Variants in SLC35F3 observed in about 807,000 individuals in gnomAD.
The protein encoded by SLC35F3 is solute carrier family 35 member F3, also known as putative thiamine transporter SLC35F3.
SLC35F3 carries 25 observed loss-of-function variants against 49.9 expected under a neutral mutation model. The ratio of observed to expected loss-of-function variants is 0.50; its 90% CI spans 0.37 to 0.70. SLC35F3 has a LOEUF of 0.70. Among genes scored for constraint, SLC35F3 ranks in the 30% least tolerant of loss-of-function variants. SLC35F3 has a pLI of 0.00. For missense variants in SLC35F3, 525 were observed against 639.8 expected, an observed-to-expected ratio of 0.82 and a Z score of 1.94; for synonymous variants, 275 against 265.4, an observed-to-expected ratio of 1.04 and a Z score of -0.35.
At position 234,251,725 on chromosome 1, in the gene SLC35F3, A is replaced by G. The variant is rs149335176; in HGVS notation, c.608+19984A>G. ...CTAGCTGTTCTACAGGTTAAAATAT[A>G]CTCTGAAGCCTCAGTAATTAAAGCA... On this transcript the variant is annotated intron_variant, in intron 3 of 7. Coordinates refer to ENST00000366618, the MANE Select transcript of SLC35F3 (RefSeq NM_173508.4). Among the ~76,000 whole-genome samples, 1,235 of 152,260 alleles carry G rather than the reference A, an allele frequency of 8.1e-3. 20 individuals are homozygous for G. The highest frequency in any genetic ancestry group is 0.028 in the African/African-American group (1,174 of 41,526).
chr1:234,031,535 A>G (rs1241578759), intron 2 of SLC35F3, among the ~76,000 whole-genome samples: 2 of 152,058 alleles, frequency 1.3e-5, no homozygotes, highest in Non-Finnish European at 2.9e-5. Flanking sequence ...CCATGTTCTG[A>G]GTGTAACTCC....
chr1:234,256,531 ACTC>A (rs945339122), intron 3 of SLC35F3, among the ~76,000 whole-genome samples: 39 of 151,552 alleles, frequency 2.6e-4, no homozygotes, highest in African/African-American at 9.5e-4. Flanking sequence ...CAGCCTCATG[ACTC>A]CTCCTCTCTT....
intron 4 of SLC35F3, among the ~76,000 whole-genome samples, chr1:234,311,812 G>C (rs1657362521): frequency 6.6e-6 from 1 of 152,216 alleles, no homozygotes; most frequent in South Asian, 2.1e-4. Context: ...CTCAGCGATG[G>C]AGATGTCCTA....
intron 2 of SLC35F3, among the ~76,000 whole-genome samples, chr1:234,208,677 A>G (rs1667009262): frequency 3.3e-5 from 5 of 152,136 alleles, no homozygotes; most frequent in Admixed American, 2.6e-4. Context: ...AGGGAGTATA[A>G]AACTTACACT....
At chr1:234,100,497 T>C (rs1665198513) in intron 2 of SLC35F3, among the ~76,000 whole-genome samples, 2 of 152,282 alleles carry the variant, frequency 1.3e-5, no homozygotes, top group South Asian at 4.1e-4. Context: ...ATCAAAAAAG[T>C]GTGATGAGCA....
chr1:234,113,465 G>A (rs1270971911), intron 2 of SLC35F3, among the ~76,000 whole-genome samples: 1 of 152,206 alleles, frequency 6.6e-6, no homozygotes, highest in Admixed American at 6.5e-5. Context: ...ATGTAATGTT[G>A]GAAGGTATAA....
At chr1:234,250,482 G>A (rs1266214522) in intron 3 of SLC35F3, among the ~76,000 whole-genome samples, 2 of 151,620 alleles carry the variant, frequency 1.3e-5, no homozygotes, top group African/African-American at 4.8e-5. Context: ...GTGAAACCCC[G>A]TCTCTACTAA....
intron 2 of SLC35F3, among the ~76,000 whole-genome samples, chr1:234,162,568 C>G (rs1666245394): frequency 6.6e-6 from 1 of 151,906 alleles, no homozygotes; most frequent in Non-Finnish European, 1.5e-5. Context: ...CCCCTCACCC[C>G]TCCCTCACCT....
intron 2 of SLC35F3, among the ~76,000 whole-genome samples, chr1:233,978,155 G>C (rs1008447674): frequency 6.6e-6 from 1 of 152,150 alleles, no homozygotes; most frequent in Non-Finnish European, 1.5e-5. Flanking sequence ...AGGAGGCAAG[G>C]CTCTGAAGAA....
chr1:234,241,782 G>A (rs895490153), intron 3 of SLC35F3, among the ~76,000 whole-genome samples: 6 of 151,682 alleles, frequency 4.0e-5, no homozygotes, highest in Non-Finnish European at 2.9e-5. Context: ...CTGTTTACAC[G>A]GTGGGCTACA....
Position 234,181,182 on chromosome 1 carries a change from A to G in SLC35F3, c.284-50235A>G, listed in dbSNP as rs141429717. Among the ~76,000 whole-genome samples the G allele has an allele frequency of 4.3e-3, 648 of 152,112 alleles. 3 individuals carry two copies. Among genetic ancestry groups the G allele is most frequent in the African/African-American group, 0.015 (626 of 41,450 alleles). On this transcript the variant is annotated intron_variant, in intron 2 of 7. Coordinates refer to ENST00000366618, the MANE Select transcript of SLC35F3 (RefSeq NM_173508.4). ...ATCCTCTGTCTACAAAAAAAAATAC[A>G]ATAAATTAGCCAACATGGTGGCATG...
In SLC35F3 at chr1:234,323,267, G is replaced by A. The variant is rs1247632283; in HGVS notation, c.*24G>A. On this transcript the variant is annotated 3_prime_UTR_variant, in exon 8 of 8. Coordinates refer to ENST00000366618, the MANE Select transcript of SLC35F3 (RefSeq NM_173508.4). This position sits in a 1 kb window ranked among gnomAD's most constrained non-coding sequence, Gnocchi z 4.5. ...AACACCACTCCTCTAGAACTCGGTG[G>A]TAATGACTGGGAGGTCTATTCCTGC... 2.5e-6 allele frequency: 4 copies of A among 1,597,288 alleles called. No individual in the cohort carries two copies. Among genetic ancestry groups the A allele is most frequent in the Non-Finnish European group, 3.4e-6 (4 of 1,170,394 alleles).
At chr1:234,020,703 G>A (rs937652166) in intron 2 of SLC35F3, among the ~76,000 whole-genome samples, 4 of 152,178 alleles carry the variant, frequency 2.6e-5, no homozygotes, top group Admixed American at 6.5e-5. Context: ...ATTTGTGTGT[G>A]TGTGTGAATT....
At chr1:234,322,650 C>T (rs1447296027) in intron 7 of SLC35F3, among the ~76,000 whole-genome samples, 5 of 144,866 alleles carry the variant, frequency 3.5e-5, no homozygotes, top group East Asian at 2.0e-4. Flanking sequence ...GGGTCAAATG[C>T]GTGTGTGTGT....
chr1:234,312,869 G>C (rs1189338612), intron 4 of SLC35F3, among the ~76,000 whole-genome samples: 2 of 151,828 alleles, frequency 1.3e-5, no homozygotes, highest in African/African-American at 2.4e-5. Context: ...TTGTTTGTTT[G>C]TTTGTTTGTT....
intron 2 of SLC35F3, among the ~76,000 whole-genome samples, chr1:234,218,357 C>G (rs1667153658): frequency 6.6e-6 from 1 of 152,116 alleles, no homozygotes; most frequent in Non-Finnish European, 1.5e-5. Flanking sequence ...TGGACTGGGT[C>G]TATCCAGCTG....
chr1:234,299,266 T>C lies in SLC35F3; in HGVS notation c.609-9835T>C, dbSNP rs58338117. Among the ~76,000 whole-genome samples, 918 of 152,280 alleles carry C rather than the reference T, an allele frequency of 6.0e-3. 7 individuals are homozygous for C. Among genetic ancestry groups the C allele is most frequent in the African/African-American group, 0.021 (865 of 41,536 alleles). Reference sequence around the variant, plus strand: ...CAAGGCAAAGACTTTAGTAGTCTCATAGTCCTGGGGAGAAAAACCAGAGTT... The same window carrying C: ...CAAGGCAAAGACTTTAGTAGTCTCACAGTCCTGGGGAGAAAAACCAGAGTT... On this transcript the variant is annotated intron_variant, in intron 3 of 7. Transcript: ENST00000366618.
chr1:233,944,230 GTAGATCAACAAATCC>G (rs1662477387), intron 2 of SLC35F3, among the ~76,000 whole-genome samples: 4 of 152,212 alleles, frequency 2.6e-5, no homozygotes, highest in African/African-American at 9.6e-5. Flanking sequence ...AAAACATCCA[GTAGATCAACAAATCC>G]AGGAGTTGTT....
At chr1:234,246,420 G>GAAAATAA (rs1667631931) in intron 3 of SLC35F3, among the ~76,000 whole-genome samples, 1 of 152,200 alleles carries the variant, frequency 6.6e-6, no homozygotes, top group Non-Finnish European at 1.5e-5. Flanking sequence ...AGCAGGGCCT[G>GAAAATAA]TATCAGTAAA....
Sources: gnomAD v4.1 joint callset for allele counts (sites outside exome capture counted in the v4.1 genomes callset) on GRCh38, gnomAD v4.1.1 for gene constraint, Gnocchi (gnomAD v3.1) non-coding constraint, MANE v1.5 for transcripts, NCBI Gene and HGNC (gene_info 2026-07-23, HGNC 2026-07-21) for gene names.